The following TRAF3 variants were observed in gnomAD, a reference collection of about 807,000 sequenced individuals.
TRAF3 encodes the protein TNF receptor-associated factor 3.
A neutral mutation model predicts 62.3 loss-of-function variants in TRAF3; 13 were observed. The observed-to-expected ratio is 0.21, with a 90% CI of 0.14 to 0.33. TRAF3 has a LOEUF of 0.33. Among genes scored for constraint, TRAF3 ranks in the 10% least tolerant of loss-of-function variants. The probability of loss-of-function intolerance (pLI) is 1.00; values close to 1 mark genes in which losing one functional copy is unlikely to be tolerated. For synonymous variants in TRAF3, 269 were observed against 283.4 expected (o/e 0.95, Z 0.51); for missense variants, 440 against 741.8 (o/e 0.59, Z 4.73).
At chr14:102,891,496 T>C in intron 9 of TRAF3, 79 bp downstream of exon 9, 2 of 1,442,868 alleles carry the variant, frequency 1.4e-6, no homozygotes, top group Non-Finnish European at 1.9e-6. Flanking sequence ...TTTTTGTAGT[T>C]ATTAATGGGT....
At chr14:102,781,366 C>T (rs1897266049) in intron 1 of TRAF3, among the ~76,000 whole-genome samples, 1 of 152,172 alleles carries the variant, frequency 6.6e-6, no homozygotes, top group Non-Finnish European at 1.5e-5. Context: ...GTCATGCATA[C>T]TGTACTGTGA....
At chr14:102,857,575 TTCC>T (rs199638578) in intron 2 of TRAF3, among the ~76,000 whole-genome samples, 1 of 152,278 alleles carries the variant, frequency 6.6e-6, no homozygotes, top group African/African-American at 2.4e-5. Context: ...AGTTGGGAAA[TTCC>T]TCTCCTCTTG....
At chr14:102,797,738 TC>T (rs1179684699) in intron 1 of TRAF3, among the ~76,000 whole-genome samples, 1 of 136,836 alleles carries the variant, frequency 7.3e-6, no homozygotes, top group African/African-American at 2.7e-5. Context: ...TCTTTTTCTT[TC>T]TTTTTTTTTT....
intron 1 of TRAF3, among the ~76,000 whole-genome samples, chr14:102,820,366 G>T (rs1021806452): frequency 8.6e-5 from 13 of 151,806 alleles, no homozygotes; most frequent in Admixed American, 5.3e-4. Context: ...TTCTGCACTT[G>T]GGTGCCGGGG....
chr14:102,900,029 A>C (rs1002384754), intron 10 of TRAF3, among the ~76,000 whole-genome samples: 1 of 149,570 alleles, frequency 6.7e-6, no homozygotes, highest in Non-Finnish European at 1.5e-5. Flanking sequence ...AATACAAAAA[A>C]TTAGCCAGGT....
chr14:102,902,404 G>A (rs1022962552), intron 10 of TRAF3, among the ~76,000 whole-genome samples: 4 of 152,234 alleles, frequency 2.6e-5, no homozygotes, highest in African/African-American at 7.2e-5. Flanking sequence ...CCCTGGGGTC[G>A]TTCTGGGGAA....
At chr14:102,820,891 TC>T (rs1899944824) in intron 1 of TRAF3, among the ~76,000 whole-genome samples, 1 of 151,718 alleles carries the variant, frequency 6.6e-6, no homozygotes, top group African/African-American at 2.4e-5. Flanking sequence ...TGGCTCAGCC[TC>T]CCAAAGTGCT....
At chr14:102,833,528 A>G (rs1441668294) in intron 2 of TRAF3, among the ~76,000 whole-genome samples, 1 of 152,186 alleles carries the variant, frequency 6.6e-6, no homozygotes, top group East Asian at 1.9e-4. Flanking sequence ...GCAAATTTAA[A>G]TGAGTCCTTT....
At chr14:102,798,509 G>A (rs941105298) in intron 1 of TRAF3, among the ~76,000 whole-genome samples, 1 of 152,170 alleles carries the variant, frequency 6.6e-6, no homozygotes, top group Non-Finnish European at 1.5e-5. Context: ...GTGTGGTGGC[G>A]TGTGCCATTA....
In TRAF3 at chr14:102,911,017, T is replaced by G. The variant is rs11552464; in HGVS notation, c.*5233T>G. On this transcript the variant is annotated 3_prime_UTR_variant, in exon 12 of 12. Transcript: ENST00000392745. ...TCGACGCTGCACAGCATCTGCAGAT[T>G]CGCAGCCTCTTCTCTGCCGGTGCCT... The G allele has an allele frequency of 0.15, 22,947 of 152,252 alleles. 2,315 individuals carry two copies. The highest frequency in any genetic ancestry group is 0.36 in the East Asian group (1,876 of 5,182). The allele number at this position is 152,252 out of a possible 1,614,324, so 9.4% of individuals were successfully genotyped here. A position where few individuals can be genotyped will look rare whatever the true frequency, so the allele number is the denominator to read the frequency against.
intron 1 of TRAF3, among the ~76,000 whole-genome samples, chr14:102,811,493 A>T (rs1367255179): frequency 1.5e-5 from 2 of 133,136 alleles, no homozygotes; most frequent in African/African-American, 5.7e-5. Flanking sequence ...CTGGCTCTTG[A>T]CCATTCCCAC....
At chr14:102,829,157 C>T (rs1037568262) in intron 1 of TRAF3, among the ~76,000 whole-genome samples, 1 of 152,124 alleles carries the variant, frequency 6.6e-6, no homozygotes, top group Non-Finnish European at 1.5e-5. Context: ...GTATTAAATG[C>T]ATTATGGGTG....
chr14:102,851,482 G>T (rs1038100262), intron 2 of TRAF3, among the ~76,000 whole-genome samples: 19 of 152,110 alleles, frequency 1.2e-4, no homozygotes, highest in African/African-American at 4.6e-4. Context: ...CAGTGGCTCA[G>T]GCCTGTAATC....
intron 2 of TRAF3, among the ~76,000 whole-genome samples, chr14:102,852,687 T>TA (rs1404550097): frequency 6.6e-6 from 1 of 151,876 alleles, no homozygotes; most frequent in African/African-American, 2.4e-5. Flanking sequence ...GCTAGCTGTT[T>TA]AAAAAAAATT....
chr14:102,827,912 G>A (rs1900416988), intron 1 of TRAF3, among the ~76,000 whole-genome samples: 1 of 152,244 alleles, frequency 6.6e-6, no homozygotes, highest in African/African-American at 2.4e-5. Flanking sequence ...TGGTTTTCTG[G>A]AATGGAAATC....
At chr14:102,838,973 A>G (rs1189871364) in intron 2 of TRAF3, among the ~76,000 whole-genome samples, 5 of 152,128 alleles carry the variant, frequency 3.3e-5, no homozygotes. Context: ...GTACTTTTGA[A>G]AACATTTTCC....
chr14:102,803,006 G>GC (rs983880275), intron 1 of TRAF3, among the ~76,000 whole-genome samples: 1 of 152,178 alleles, frequency 6.6e-6, no homozygotes, highest in Non-Finnish European at 1.5e-5. Context: ...AGGGGGAAAA[G>GC]CCCCTTGTAA....
Position 102,905,919 on chromosome 14 carries a change from C to G in TRAF3, c.*135C>G. ...GAAGCGGCAGAAGGCGGACGCGTGCCGGCGGGAGGAGCCACGCGTGAGCAC... is the reference window on the plus strand; with the variant it reads ...GAAGCGGCAGAAGGCGGACGCGTGCGGGCGGGAGGAGCCACGCGTGAGCAC... On this transcript the variant is annotated 3_prime_UTR_variant, in exon 12 of 12. Coordinates refer to ENST00000392745, the MANE Select transcript of TRAF3 (RefSeq NM_145725.3). 1.3e-6 allele frequency: 1 copy of G among 778,332 alleles called. No individual in the cohort carries two copies. The highest frequency in any genetic ancestry group is 2.0e-6 in the Non-Finnish European group (1 of 488,952). 48.2% of individuals were successfully genotyped at this position (778,332 alleles called of 1,614,324 possible). A position where few individuals can be genotyped will look rare whatever the true frequency, so the allele number is the denominator to read the frequency against.
chr14:102,904,256 A>T (rs554839660), intron 11 of TRAF3, among the ~76,000 whole-genome samples: 13 of 152,342 alleles, frequency 8.5e-5, no homozygotes, highest in African/African-American at 3.1e-4. Flanking sequence ...TGTGGGCATG[A>T]GAGCTGTGGT....
Sources: gnomAD v4.1 joint callset for allele counts (sites outside exome capture counted in the v4.1 genomes callset) on GRCh38, gnomAD v4.1.1 for gene constraint, MANE v1.5 for transcripts, NCBI Gene and HGNC (gene_info 2026-07-23, HGNC 2026-07-21) for gene names.